PLD5: variants seen among roughly 807,000 people sequenced by gnomAD.
PLD5 encodes the protein inactive phospholipase D5.
A neutral mutation model predicts 61.1 loss-of-function variants in PLD5; 36 were observed. The ratio of observed to expected loss-of-function variants is 0.59; its 90% confidence interval spans 0.45 to 0.78. The LOEUF (loss-of-function observed/expected upper bound fraction) is 0.78, where lower values mean the gene tolerates loss of function less well. PLD5 is among the 30% of genes least tolerant of loss of function. The pLI is 0.00. For synonymous variants in PLD5, 243 were observed against 242.8 expected, an observed-to-expected ratio of 1.00 and a Z score of -0.01; for missense variants, 515 against 644.4, an observed-to-expected ratio of 0.80 and a Z score of 2.17.
chr1:242,238,157 G>T (rs556979481), intron 4 of PLD5, among the ~76,000 whole-genome samples: 1 of 152,286 alleles, frequency 6.6e-6, no homozygotes, highest in Admixed American at 6.5e-5. Context: ...AGAAGAGGGT[G>T]GTGAAGAACT....
chr1:242,172,186 C>A (rs1242142554), intron 5 of PLD5, among the ~76,000 whole-genome samples: 1 of 152,206 alleles, frequency 6.6e-6, no homozygotes, highest in African/African-American at 2.4e-5. Context: ...TCTCTCAGAC[C>A]ACAGTGCAAT....
chr1:242,093,749 C>T (rs1043979381), intron 9 of PLD5, among the ~76,000 whole-genome samples: 2 of 151,780 alleles, frequency 1.3e-5, no homozygotes, highest in African/African-American at 2.4e-5. Flanking sequence ...GAGAATTCTG[C>T]TACGTGCATG....
At chr1:242,425,054 C>T (rs1214136797) in intron 1 of PLD5, among the ~76,000 whole-genome samples, 5 of 152,116 alleles carry the variant, frequency 3.3e-5, no homozygotes, top group Admixed American at 3.3e-4. Context: ...ATCACTTGAA[C>T]CCAGGAGGCA....
intron 1 of PLD5, among the ~76,000 whole-genome samples, chr1:242,454,317 G>C (rs940075893): frequency 1.1e-4 from 15 of 139,562 alleles, no homozygotes; most frequent in Non-Finnish European, 2.0e-4. Context: ...GGGCAACACA[G>C]CAAGACTCCG....
At chr1:242,466,883 A>T (rs1384382624) in intron 1 of PLD5, among the ~76,000 whole-genome samples, 7 of 144,462 alleles carry the variant, frequency 4.8e-5, no homozygotes, top group Non-Finnish European at 1.1e-4. Context: ...ACAGAGTGAG[A>T]CTCCATCTCA....
At chr1:242,270,855 C>T (rs1471095165) in intron 3 of PLD5, among the ~76,000 whole-genome samples, 1 of 152,174 alleles carries the variant, frequency 6.6e-6, no homozygotes, top group Non-Finnish European at 1.5e-5. Flanking sequence ...TCTTTACCTT[C>T]CTTCACCTGA....
intron 2 of PLD5, among the ~76,000 whole-genome samples, chr1:242,327,963 G>A (rs1210584504): frequency 1.3e-5 from 2 of 151,990 alleles, no homozygotes; most frequent in African/African-American, 4.8e-5. Flanking sequence ...GGGTGTGGTG[G>A]CATGCATTGG....
intron 1 of PLD5, among the ~76,000 whole-genome samples, chr1:242,516,499 T>C (rs1669108973): frequency 6.6e-6 from 1 of 152,146 alleles, no homozygotes; most frequent in South Asian, 2.1e-4. Context: ...ACAACTCATA[T>C]TAAACTGATT....
At chr1:242,271,311 G>T (rs1026832786) in intron 3 of PLD5, among the ~76,000 whole-genome samples, 1 of 147,202 alleles carries the variant, frequency 6.8e-6, no homozygotes, top group South Asian at 2.2e-4. Context: ...TGGCTCATAG[G>T]CATACAAAAA....
chr1:242,161,469 A>G (rs375480274), intron 5 of PLD5, among the ~76,000 whole-genome samples: 1 of 4,896 alleles, frequency 2.0e-4, no homozygotes, highest in African/African-American at 4.5e-3. Flanking sequence ...GTGGGAACAG[A>G]AAAAAAAAAT....
intron 4 of PLD5, among the ~76,000 whole-genome samples, chr1:242,226,307 C>T (rs151245037): frequency 8.5e-5 from 13 of 152,232 alleles, no homozygotes; most frequent in Non-Finnish European, 1.6e-4. Context: ...CAATGTGACG[C>T]GTCAGGACCA....
chr1:242,190,640 G>C (rs1263208924), intron 5 of PLD5, among the ~76,000 whole-genome samples: 2 of 151,918 alleles, frequency 1.3e-5, no homozygotes, highest in Admixed American at 6.6e-5. Flanking sequence ...TCAGCACTTT[G>C]GGGGGCCGAG....
At chr1:242,306,598 A>G (rs1399362911) in intron 2 of PLD5, among the ~76,000 whole-genome samples, 1 of 152,128 alleles carries the variant, frequency 6.6e-6, no homozygotes, top group African/African-American at 2.4e-5. Flanking sequence ...GCATTTGCTA[A>G]GATAAAAAGG....
chr1:242,500,410 G>T (rs905584), intron 1 of PLD5, among the ~76,000 whole-genome samples: 4 of 152,146 alleles, frequency 2.6e-5, no homozygotes, highest in Non-Finnish European at 5.9e-5. Context: ...CACAGTATCC[G>T]TAGACAAGAA....
chr1:242,241,177 G>C (rs1671976178), intron 4 of PLD5, among the ~76,000 whole-genome samples: 1 of 152,090 alleles, frequency 6.6e-6, no homozygotes, highest in South Asian at 2.1e-4. Flanking sequence ...TGAAGTTGTT[G>C]GTCAGACCCA....
chr1:242,168,827 A>G (rs1333035952), intron 5 of PLD5, among the ~76,000 whole-genome samples: 2 of 130,048 alleles, frequency 1.5e-5, no homozygotes, highest in South Asian at 2.6e-4. Context: ...CTTATCCATG[A>G]CAGTTTTTAA....
chr1:242,096,781 A>C (rs924869566), intron 9 of PLD5, among the ~76,000 whole-genome samples: 7 of 150,828 alleles, frequency 4.6e-5, no homozygotes, highest in Admixed American at 6.6e-5. Context: ...TTTAGGGTAC[A>C]TGTGCACAAC....
chr1:242,298,961 T>A (rs1675875296), intron 2 of PLD5, among the ~76,000 whole-genome samples: 1 of 151,770 alleles, frequency 6.6e-6, no homozygotes, highest in South Asian at 2.1e-4. Flanking sequence ...AGCAGGGACC[T>A]CATTAATAGA....
intron 5 of PLD5, among the ~76,000 whole-genome samples, chr1:242,135,919 C>T (rs1297134220): frequency 6.6e-6 from 1 of 152,108 alleles, no homozygotes; most frequent in Non-Finnish European, 1.5e-5. Flanking sequence ...ATTGACCTCC[C>T]TAGCGAGACG....
Sources: gnomAD v4.1 joint callset for allele counts (sites outside exome capture counted in the v4.1 genomes callset) on GRCh38, gnomAD v4.1.1 for gene constraint, MANE v1.5 for transcripts, NCBI Gene and HGNC (gene_info 2026-07-23, HGNC 2026-07-21) for gene names.